The following UBXN10 variants were observed in gnomAD, a reference collection of about 807,000 sequenced individuals.
UBXN10 encodes UBX domain protein 10.
A neutral mutation model predicts 6.9 loss-of-function variants in UBXN10; 6 were observed. The ratio of observed to expected loss-of-function variants is 0.87; its 90% CI spans 0.48 to 1.72. The LOEUF (loss-of-function observed/expected upper bound fraction) is 1.72, where lower values mean the gene tolerates loss of function less well. Among genes scored for constraint, UBXN10 ranks in the 40% most tolerant of loss-of-function variants. The pLI, the probability that UBXN10 is intolerant of heterozygous loss-of-function variation, is 0.01. For synonymous variants in UBXN10, 131 were observed against 135.2 expected (o/e 0.97, Z 0.21); for missense variants, 317 against 348.4 (o/e 0.91, Z 0.72).
At position 20,195,866 on chromosome 1, in the gene UBXN10, G is replaced by T. The variant is rs2018588904; in HGVS notation, c.*4462G>T. ...ACTGCTGACCAAGGTTACTTAATAA[G>T]AAATCCTTGTTCTAGTTAAATACAC... is the stretch of plus-strand genomic sequence containing the variant. On this transcript the variant is annotated 3_prime_UTR_variant, in exon 2 of 2. Transcript: ENST00000375099. The T allele has an allele frequency of 2.4e-5, 4 of 167,096 alleles. No homozygotes were observed. The Admixed American group carries it at 2.6e-4, about 11-fold the overall frequency. 10.4% of individuals were successfully genotyped at this position (167,096 alleles called of 1,614,324 possible).
Position 20,193,201 on chromosome 1 carries a change from T to A in UBXN10, c.*1797T>A, listed in dbSNP as rs890062896. The A allele has an allele frequency of 2.4e-5, 4 of 167,036 alleles. No individual in the cohort carries two copies. The highest frequency in any genetic ancestry group is 7.2e-5 in the African/African-American group (3 of 41,426). The allele number at this position is 167,036 out of a possible 1,614,324, so 10.3% of individuals were successfully genotyped here. On this transcript the variant is annotated 3_prime_UTR_variant, in exon 2 of 2. Coordinates refer to ENST00000375099, the MANE Select transcript of UBXN10 (RefSeq NM_152376.5). ...AGGAGGCTGGGGGAAGAGCCTCCCATAAAATCACACCTACTCTGTGGTAAG... is the reference window on the plus strand; with the variant it reads ...AGGAGGCTGGGGGAAGAGCCTCCCAAAAAATCACACCTACTCTGTGGTAAG...
Position 20,195,881 on chromosome 1 carries a change from G to A in UBXN10, c.*4477G>A, listed in dbSNP as rs2018588965. ...TACTTAATAAGAAATCCTTGTTCTA[G>A]TTAAATACACTGTTTATCTCTATCT... is the stretch of plus-strand genomic sequence containing the variant. On this transcript the variant is annotated 3_prime_UTR_variant, in exon 2 of 2. Transcript: ENST00000375099. 6.0e-6 allele frequency: 1 copy of A among 167,210 alleles called. No individual in the cohort carries two copies. The allele number at this position is 167,210 out of a possible 1,614,324, so 10.4% of individuals were successfully genotyped here.
Position 20,190,771 on chromosome 1 carries a change from T to C in UBXN10, c.210T>C (p.Ile70=). Residue 70 remains isoleucine (I), a synonymous_variant, in exon 2 of 2, where the codon ATT becomes ATC. Coordinates refer to ENST00000375099, the MANE Select transcript of UBXN10 (RefSeq NM_152376.5). The part of the protein sequence containing the change: ...AHHIPSPPPA[I]PYELPSSQKP... ...ATATACCATCTCCGCCTCCAGCCAT[T>C]CCCTATGAGTTGCCAAGCAGCCAAA... 5 of 1,613,854 alleles carry C rather than the reference T, an allele frequency of 3.1e-6. No individual in the cohort carries two copies. The highest frequency in any genetic ancestry group is 4.2e-6 in the Non-Finnish European group (5 of 1,180,012).
In UBXN10 at chr1:20,191,808, C is replaced by T. The variant is rs550716414; in HGVS notation, c.*404C>T. 5.1e-6 allele frequency: 1 copy of T among 196,386 alleles called. No homozygotes were observed. The highest frequency in any genetic ancestry group is 5.4e-5 in the Admixed American group (1 of 18,608). The allele number at this position is 196,386 out of a possible 1,614,324, so 12.2% of individuals were successfully genotyped here. On this transcript the variant is annotated 3_prime_UTR_variant, in exon 2 of 2. Transcript: ENST00000375099. The surrounding 1 kb of genome is among the most constrained non-coding windows in gnomAD (Gnocchi z 4.5). ...TCTGTATTTGATGCAGGATTAAACA[C>T]TTCCCAGAGAGGATTCTAGTCTGGT...
Position 20,191,061 on chromosome 1 carries a change from C to T in UBXN10, c.500C>T (p.Ala167Val), listed in dbSNP as rs747031265. 2 of 1,614,006 alleles carry T rather than the reference C, an allele frequency of 1.2e-6. No individual in the cohort carries two copies. Among genetic ancestry groups the T allele is most frequent in the African/African-American group, 2.7e-5 (2 of 74,890 alleles). ...AGTGAAGAAGATTCCAGAGCTCGAG[C>T]TTGTGCCGTGGAGAGGAAATTCATC... is the stretch of plus-strand genomic sequence containing the variant. Reference protein sequence around the residue: ...KTSEEDSRARACAVERKFIVR... With the variant: ...KTSEEDSRARVCAVERKFIVR... The change falls in exon 2 of 2, where the codon GCT becomes GTT. Residue 167 changes from alanine (A) to valine (V), a missense_variant. Ala to Val is a moderately conservative substitution (Grantham distance 64). Coordinates refer to ENST00000375099, the MANE Select transcript of UBXN10 (RefSeq NM_152376.5). This position sits in a 1 kb window ranked among gnomAD's most constrained non-coding sequence, Gnocchi z 4.5.
rs574303041 is a variant in UBXN10 at position 20,189,240 on chromosome 1, T to A, written c.-15-1307T>A. On this transcript the variant is annotated intron_variant, in intron 1 of 1. Transcript: ENST00000375099. ...GAATCACTGGAAAGTCACCAGAAGGTCTTTAGAAGGCTAGGAGAGGCCAGG... is the reference window on the plus strand; with the variant it reads ...GAATCACTGGAAAGTCACCAGAAGGACTTTAGAAGGCTAGGAGAGGCCAGG... Among the ~76,000 whole-genome samples, 5 of 151,894 alleles carry A rather than the reference T, an allele frequency of 3.3e-5. No individual in the cohort carries two copies. In the South Asian group the frequency reaches 1.0e-3, roughly 32 times the overall value.
At chr1:20,190,467 A>C in intron 1 of UBXN10, 80 bp from the exon 2 acceptor site, 1 of 1,494,966 alleles carries the variant, frequency 6.7e-7, no homozygotes, top group Non-Finnish European at 8.9e-7. Flanking sequence ...TATTCTGGGC[A>C]CTCAGGGAGG....
Position 20,191,015 on chromosome 1 carries a change from G to A in UBXN10, c.454G>A (p.Glu152Lys), listed in dbSNP as rs116369009. The stretch of plus-strand genomic sequence containing the variant: ...CAGTATCCGGGCTCTTTACCAAGAC[G>A]AGACGGGCACCATGAAGACAAGTGA... ...LSSIRALYQD[E>K]TGTMKTSEED... is the part of the protein sequence containing the mutation. The change falls in exon 2 of 2, where the codon GAG (glutamate) becomes AAG (lysine). Residue 152 changes from glutamate to lysine, a missense_variant. Coordinates refer to ENST00000375099, the MANE Select transcript of UBXN10 (RefSeq NM_152376.5). This position sits in a 1 kb window ranked among gnomAD's most constrained non-coding sequence, Gnocchi z 4.5. 184 of 1,614,138 alleles carry A rather than the reference G, an allele frequency of 1.1e-4. 1 individual carries two copies. In the East Asian group the frequency reaches 1.3e-3, roughly 11 times the overall value.
At position 20,191,291 on chromosome 1, in the gene UBXN10, A is replaced by G. The variant is rs764671639; in HGVS notation, c.730A>G (p.Met244Val). Residue 244 changes from methionine to valine, a missense_variant, in exon 2 of 2, where the codon ATG becomes GTG. Met to Val is a conservative substitution (Grantham distance 21, BLOSUM62 1). Coordinates refer to ENST00000375099, the MANE Select transcript of UBXN10 (RefSeq NM_152376.5). This position sits in a 1 kb window ranked among gnomAD's most constrained non-coding sequence, Gnocchi z 4.5. ...TSYRHCSIET[M>V]EVPRRRFSDL... Reference sequence around the variant, plus strand: ...CTACCGACACTGCAGCATTGAAACAATGGAGGTGCCCAGGAGGCGATTTTC... The same window carrying G: ...CTACCGACACTGCAGCATTGAAACAGTGGAGGTGCCCAGGAGGCGATTTTC... The G allele has an allele frequency of 1.5e-5, 25 of 1,614,104 alleles. No individual in the cohort carries two copies. The highest frequency in any genetic ancestry group is 2.7e-5 in the African/African-American group (2 of 74,944).
In UBXN10 at chr1:20,191,199, G is replaced by A. The variant is rs752763316; in HGVS notation, c.638G>A (p.Arg213His). The change falls in exon 2 of 2, where the codon CGC (arginine) becomes CAC (histidine). Residue 213 changes from arginine (R) to histidine (H), a missense_variant. Transcript: ENST00000375099. The surrounding 1 kb of genome is among the most constrained non-coding windows in gnomAD (Gnocchi z 4.5). ...TCACCAACAGGCCAAAGGTTTGTAC[G>A]CCATTTCCGGCCAACAGATGATTTG... is the stretch of plus-strand genomic sequence containing the variant. ...VRSPTGQRFV[R>H]HFRPTDDLQT... 3.7e-6 allele frequency: 6 copies of A among 1,614,164 alleles called. No homozygotes were observed. Among genetic ancestry groups the A allele is most frequent in the Admixed American group, 1.7e-5 (1 of 60,022 alleles).
intron 1 of UBXN10, among the ~76,000 whole-genome samples, chr1:20,186,750 G>T (rs2018403738): frequency 6.6e-6 from 1 of 152,194 alleles, no homozygotes; most frequent in Non-Finnish European, 1.5e-5. Flanking sequence ...GTGGTTCAGT[G>T]TGGCACTCTG....
Position 20,188,206 on chromosome 1 carries a change from G to A in UBXN10, c.-16+2053G>A, listed in dbSNP as rs144331929. 3.7e-4 allele frequency among the ~76,000 whole-genome samples: 57 copies of A among 152,322 alleles called. 1 individual carries two copies. The highest frequency in any genetic ancestry group is 1.4e-3 in the African/African-American group (57 of 41,562). ...TCAGAAAATAGATGAAATTAACAAGGAGATGGGCAGTCTTTTTTGATGCCA... is the reference window on the plus strand; with the variant it reads ...TCAGAAAATAGATGAAATTAACAAGAAGATGGGCAGTCTTTTTTGATGCCA... On this transcript the variant is annotated intron_variant, in intron 1 of 1. Transcript: ENST00000375099.
intron 1 of UBXN10, among the ~76,000 whole-genome samples, chr1:20,189,615 C>G (rs539398883): frequency 6.6e-6 from 1 of 152,252 alleles, no homozygotes; most frequent in South Asian, 2.1e-4. Context: ...GAAGTCTGAA[C>G]AGCTCGGGAG....
At position 20,191,591 on chromosome 1, in the gene UBXN10, A is replaced by C. The variant is rs768816817; in HGVS notation, c.*187A>C. On this transcript the variant is annotated 3_prime_UTR_variant, in exon 2 of 2. Coordinates refer to ENST00000375099, the MANE Select transcript of UBXN10 (RefSeq NM_152376.5). The surrounding 1 kb of genome is among the most constrained non-coding windows in gnomAD (Gnocchi z 4.5). ...TGTGCCTATGCCGAGCGCGCTAAGA[A>C]GTCTCCCTTCCAGCTGTTCCATTCT... The C allele has an allele frequency of 7.0e-6, 6 of 861,488 alleles. No homozygotes were observed. Among genetic ancestry groups the C allele is most frequent in the Non-Finnish European group, 1.0e-5 (6 of 577,278 alleles). 53.4% of individuals were successfully genotyped at this position (861,488 alleles called of 1,614,324 possible).
chr1:20,193,882 G>A lies in UBXN10; in HGVS notation c.*2478G>A, dbSNP rs1023685404. On this transcript the variant is annotated 3_prime_UTR_variant, in exon 2 of 2. Transcript: ENST00000375099. ...CCCCCTGTCCTAAATGGGCTCAACCGGCCTAGCACACTCCTCTTGGTGGCT... is the reference window on the plus strand; with the variant it reads ...CCCCCTGTCCTAAATGGGCTCAACCAGCCTAGCACACTCCTCTTGGTGGCT... 6.6e-5 allele frequency: 11 copies of A among 167,006 alleles called. No individual in the cohort carries two copies. The highest frequency in any genetic ancestry group is 2.7e-4 in the African/African-American group (11 of 41,414). The allele number at this position is 167,006 out of a possible 1,614,324, so 10.3% of individuals were successfully genotyped here.
chr1:20,191,450 C>A lies in UBXN10; in HGVS notation c.*46C>A. 3 of 1,564,314 alleles carry A rather than the reference C, an allele frequency of 1.9e-6. No homozygotes were observed. Among genetic ancestry groups the A allele is most frequent in the Non-Finnish European group, 2.6e-6 (3 of 1,155,636 alleles). ...GGTCCTGGGTCTCTGAGCAAAGGAG[C>A]ATGCTTGGGCGTTGTGGCCTCTTAG... On this transcript the variant is annotated 3_prime_UTR_variant, in exon 2 of 2. Transcript: ENST00000375099. This position sits in a 1 kb window ranked among gnomAD's most constrained non-coding sequence, Gnocchi z 4.5.
Position 20,193,412 on chromosome 1 carries a change from A to G in UBXN10, c.*2008A>G, listed in dbSNP as rs937603964. Reference sequence around the variant, plus strand: ...GGCATAAGCATAGAAATATTTTAGGATATTTTAGGATATGTGAATAAAGCT... The same window carrying G: ...GGCATAAGCATAGAAATATTTTAGGGTATTTTAGGATATGTGAATAAAGCT... On this transcript the variant is annotated 3_prime_UTR_variant, in exon 2 of 2. Coordinates refer to ENST00000375099, the MANE Select transcript of UBXN10 (RefSeq NM_152376.5). 2 of 167,076 alleles carry G rather than the reference A, an allele frequency of 1.2e-5. No homozygotes were observed. The highest frequency in any genetic ancestry group is 4.8e-5 in the African/African-American group (2 of 41,436). 10.3% of individuals were successfully genotyped at this position (167,076 alleles called of 1,614,324 possible).
In UBXN10 at chr1:20,193,564, C is replaced by T. The variant is rs1361806673; in HGVS notation, c.*2160C>T. The T allele has an allele frequency of 1.8e-5, 3 of 166,988 alleles. No individual in the cohort carries two copies. Among genetic ancestry groups the T allele is most frequent in the Admixed American group, 1.3e-4 (2 of 15,274 alleles). 10.3% of individuals were successfully genotyped at this position (166,988 alleles called of 1,614,324 possible). A position where few individuals can be genotyped will look rare whatever the true frequency, so the allele number is the denominator to read the frequency against. The stretch of plus-strand genomic sequence containing the variant: ...TTTTAACCTAAGGCTTCAGCTCCCA[C>T]ACACGACTGGACAGAGGGGTGTGTT... On this transcript the variant is annotated 3_prime_UTR_variant, in exon 2 of 2. Transcript: ENST00000375099.
Position 20,194,458 on chromosome 1 carries a change from C to T in UBXN10, c.*3054C>T, listed in dbSNP as rs1255757922. 1.2e-5 allele frequency: 2 copies of T among 167,140 alleles called. No homozygotes were observed. Among genetic ancestry groups the T allele is most frequent in the East Asian group, 1.9e-4 (1 of 5,200 alleles). 10.4% of individuals were successfully genotyped at this position (167,140 alleles called of 1,614,324 possible). A position where few individuals can be genotyped will look rare whatever the true frequency, so the allele number is the denominator to read the frequency against. Reference sequence around the variant, plus strand: ...CAGGGCACTCCTGCGGAAGAGATGGCTTGTGAACATGACTGTGGACCCAGA... The same window carrying T: ...CAGGGCACTCCTGCGGAAGAGATGGTTTGTGAACATGACTGTGGACCCAGA... On this transcript the variant is annotated 3_prime_UTR_variant, in exon 2 of 2. Coordinates refer to ENST00000375099, the MANE Select transcript of UBXN10 (RefSeq NM_152376.5).
Sources: allele counts gnomAD v4.1 joint callset (sites outside exome capture counted in the v4.1 genomes callset), GRCh38; gene constraint gnomAD v4.1.1; non-coding constraint Gnocchi (gnomAD v3.1); transcripts MANE v1.5; gene names NCBI Gene and HGNC (gene_info 2026-07-23, HGNC 2026-07-21).